PRKDC: variants seen among roughly 807,000 people sequenced by gnomAD.
The protein encoded by PRKDC is protein kinase, DNA-activated, catalytic subunit.
Under a neutral mutation model 486.9 loss-of-function variants are expected in PRKDC, and 82 were observed. The ratio of observed to expected loss-of-function variants is 0.17; its 90% CI spans 0.14 to 0.20. PRKDC has a LOEUF of 0.20. PRKDC is among the 10% of genes least tolerant of loss of function. The pLI, the probability that PRKDC is intolerant of heterozygous loss-of-function variation, is 1.00. For synonymous variants in PRKDC, 1,895 were observed against 1,837.0 expected (o/e 1.03, Z -0.81); for missense variants, 4,504 against 5,038.2 (o/e 0.89, Z 3.21).
intron 40 of PRKDC, among the ~76,000 whole-genome samples, chr8:47,877,283 T>C (rs919547206): frequency 3.3e-5 from 5 of 152,232 alleles, no homozygotes; most frequent in Non-Finnish European, 7.3e-5. Context: ...AACACTGTCA[T>C]CTTGTTTGAG....
chr8:47,945,831 C>T (rs1448412621), intron 7 of PRKDC, among the ~76,000 whole-genome samples: 5 of 152,138 alleles, frequency 3.3e-5, no homozygotes, highest in Admixed American at 1.3e-4. Flanking sequence ...AAGCTATTCT[C>T]CTGTCTCAGC....
chr8:47,824,048 A>G (rs1177383835), intron 63 of PRKDC, 52 bp from the exon 64 acceptor site: 4 of 1,429,308 alleles, frequency 2.8e-6, no homozygotes, highest in Non-Finnish European at 2.8e-6. Flanking sequence ...GTATTTTAAA[A>G]GTATTTATTC....
chr8:47,860,830 C>T, intron 45 of PRKDC, 69 bp downstream of exon 45: 2 of 1,243,836 alleles, frequency 1.6e-6, no homozygotes, highest in Non-Finnish European at 2.3e-6. Context: ...CTCTATTTGT[C>T]TTAGAACAAA....
At chr8:47,805,211 CTG>C (rs2087195228) in intron 69 of PRKDC, 1 of 152,180 alleles carries the variant, frequency 6.6e-6, no homozygotes, top group African/African-American at 2.4e-5. Flanking sequence ...AAATGCCAGA[CTG>C]TTTTCCACAG....
intron 54 of PRKDC, among the ~76,000 whole-genome samples, chr8:47,842,111 A>C (rs2088161302): frequency 6.6e-6 from 1 of 152,066 alleles, no homozygotes; most frequent in African/African-American, 2.4e-5. Flanking sequence ...TCTCCTGGTG[A>C]CCTAACCTTC....
rs201214138 is a variant in PRKDC at position 47,778,614 on chromosome 8, G to A, written c.11698C>T (p.Leu3900Phe). ...TGAGAGCTGGCGAAGTGGGAGCGGA[G>A]CGCCAGGAAAGCCTCAGGGCTTGTA... ...MSTSPEAFLALRSHFASSHAL... is the reference protein window; with the variant it reads ...MSTSPEAFLAFRSHFASSHAL... Residue 3900 changes from leucine (L) to phenylalanine (F), a missense_variant, in exon 83 of 86, where the codon CTC becomes TTC. Transcript: ENST00000314191. 1.2e-6 allele frequency: 2 copies of A among 1,613,794 alleles called. No homozygotes were observed. Among genetic ancestry groups the A allele is most frequent in the South Asian group, 1.1e-5 (1 of 91,022 alleles).
intron 63 of PRKDC, 87 bp downstream of exon 63, chr8:47,826,569 C>A (rs1273125725): frequency 1.5e-6 from 2 of 1,308,550 alleles, no homozygotes; most frequent in East Asian, 5.0e-5. Flanking sequence ...TTTATTAGCT[C>A]ATTTTCTGCC....
At chr8:47,958,569 G>C (rs1231980328) in intron 1 of PRKDC, among the ~76,000 whole-genome samples, 1 of 152,146 alleles carries the variant, frequency 6.6e-6, no homozygotes, top group Non-Finnish European at 1.5e-5. Context: ...GGTAAACTTG[G>C]AAGTGCTTTA....
intron 35 of PRKDC, among the ~76,000 whole-genome samples, 184 bp from the exon 36 acceptor site, chr8:47,886,331 C>A (rs1211251429): frequency 1.3e-5 from 2 of 152,194 alleles, no homozygotes; most frequent in Admixed American, 1.3e-4. Context: ...TTCTAGGTTT[C>A]ATTTTGGGAA....
rs761529629 is a variant in PRKDC at position 47,777,755 on chromosome 8, G to C, written c.11973C>G (p.Phe3991Leu). Residue 3991 changes from phenylalanine (F) to leucine (L), a missense_variant, in exon 84 of 86, where the codon TTC becomes TTG. Physicochemically the swap from Phe to Leu is conservative, Grantham distance 22. Coordinates refer to ENST00000314191, the MANE Select transcript of PRKDC (RefSeq NM_006904.7). ...YSIMVHALRAFRSDPGLLTNT... is the reference protein window; with the variant it reads ...YSIMVHALRALRSDPGLLTNT... ...TGGTGAGCAGGCCAGGGTCTGAGCGGAAGGCCCGGAGTGCGTGTACCATGA... is the reference window on the plus strand; with the variant it reads ...TGGTGAGCAGGCCAGGGTCTGAGCGCAAGGCCCGGAGTGCGTGTACCATGA... 1.9e-6 allele frequency: 3 copies of C among 1,613,718 alleles called. No individual in the cohort carries two copies. The highest frequency in any genetic ancestry group is 2.2e-5 in the South Asian group (2 of 91,072).
chr8:47,844,204 T>C (rs1220281338), intron 54 of PRKDC, among the ~76,000 whole-genome samples: 1 of 152,226 alleles, frequency 6.6e-6, no homozygotes, highest in Non-Finnish European at 1.5e-5. Context: ...TGGAGAAAGA[T>C]CTATCACAAA....
intron 61 of PRKDC, among the ~76,000 whole-genome samples, chr8:47,830,389 C>G (rs2087835904): frequency 6.6e-6 from 1 of 152,184 alleles, no homozygotes; most frequent in African/African-American, 2.4e-5. Context: ...CACTGATGAT[C>G]TCAGAGTCTC....
chr8:47,894,270 C>T (rs536413388), intron 30 of PRKDC, among the ~76,000 whole-genome samples: 21 of 150,054 alleles, frequency 1.4e-4, no homozygotes, highest in East Asian at 3.9e-4. Flanking sequence ...GAGTGAGACT[C>T]GGTATAAAAA....
Position 47,783,855 on chromosome 8 carries a change from C to A in PRKDC, c.11108-46G>T, listed in dbSNP as rs766918965. On this transcript the variant is annotated intron_variant, in intron 77 of 85. Coordinates refer to ENST00000314191, the MANE Select transcript of PRKDC (RefSeq NM_006904.7). ...GCTTAGGAACAGCTTGTTAGACAAC[C>A]GCCTGTATTTTAAAACATGCCTCTT... 3.2e-6 allele frequency: 5 copies of A among 1,573,386 alleles called. No homozygotes were observed. The African/African-American group carries it at 4.1e-5, about 13-fold the overall frequency.
At chr8:47,784,010 G>A (rs1203517471) in intron 77 of PRKDC, 1 of 551,708 alleles carries the variant, frequency 1.8e-6, no homozygotes, top group Non-Finnish European at 3.2e-6. Context: ...TGTAATCCCA[G>A]CACTTTGGGA....
intron 25 of PRKDC, among the ~76,000 whole-genome samples, chr8:47,910,168 C>T (rs576869339): frequency 1.3e-5 from 2 of 152,088 alleles, no homozygotes; most frequent in Admixed American, 6.6e-5. Flanking sequence ...AAAGAACCTA[C>T]GTTGAAATAC....
In PRKDC at chr8:47,920,840, C is replaced by T. The variant is rs571743068; in HGVS notation, c.2420-2457G>A. On this transcript the variant is annotated intron_variant, in intron 21 of 85. Transcript: ENST00000314191. ...CATAACATGAAATGTACTCTTTTAA[C>T]CATTTTTAGGTATATAATTGAGTGG... Among the ~76,000 whole-genome samples the T allele has an allele frequency of 4.6e-4, 70 of 152,236 alleles. 3 individuals carry two copies. In the South Asian group the frequency reaches 0.014, roughly 31 times the overall value.
Position 47,819,464 on chromosome 8 carries a change from T to C in PRKDC, c.9383A>G (p.Lys3128Arg), listed in dbSNP as rs770390267. 6.4e-7 allele frequency: 1 copy of C among 1,562,536 alleles called. No homozygotes were observed. Among genetic ancestry groups the C allele is most frequent in the Non-Finnish European group, 8.6e-7 (1 of 1,161,318 alleles). The change falls in exon 67 of 86, where the codon AAA becomes AGA. Residue 3128 changes from lysine (K) to arginine (R), a missense_variant. Around this residue, in one of 6 missense-constraint regions of PRKDC, gnomAD observed 1,592 missense variants for 1,724.6 expected, o/e 0.92. Transcript: ENST00000314191. ...DVLLHQSRLT[K>R]LQSVQALTEI... ...TGTTAAAGCCTGTACAGACTGCAATTTGGTGAGTCTACTTTGGTGTAAGAG... is the reference window on the plus strand; with the variant it reads ...TGTTAAAGCCTGTACAGACTGCAATCTGGTGAGTCTACTTTGGTGTAAGAG...
At chr8:47,798,805 T>C (rs2087035110) in intron 72 of PRKDC, among the ~76,000 whole-genome samples, 1 of 152,102 alleles carries the variant, frequency 6.6e-6, no homozygotes, top group Admixed American at 6.5e-5. Flanking sequence ...AGAGAGGCCA[T>C]TGTCTCTCTC....
Sources: allele counts gnomAD v4.1 joint callset (sites outside exome capture counted in the v4.1 genomes callset), GRCh38; gene constraint gnomAD v4.1.1; regional missense constraint gnomAD v4.1.1; transcripts MANE v1.5; gene names NCBI Gene and HGNC (gene_info 2026-07-23, HGNC 2026-07-21).